Variants in KLHL32 observed in about 807,000 individuals in gnomAD.
The protein encoded by KLHL32 is kelch-like protein 32.
Under a neutral mutation model 64.8 loss-of-function variants are expected in KLHL32, and 35 were observed. The ratio of observed to expected loss-of-function variants is 0.54; its 90% CI spans 0.41 to 0.72. The LOEUF (loss-of-function observed/expected upper bound fraction) is 0.72. KLHL32 is among the 30% of genes least tolerant of loss of function. The pLI is 0.00. For missense variants in KLHL32, 589 were observed against 768.5 expected (o/e 0.77, Z 2.76); for synonymous variants, 259 against 281.0 (o/e 0.92, Z 0.78).
At chr6:97,053,800 TTTTA>T (rs199860998) in intron 4 of KLHL32, among the ~76,000 whole-genome samples, 1,933 of 152,076 alleles carry the variant, frequency 0.013, 34 homozygotes, top group African/African-American at 0.043. Context: ...GTACTATGCC[TTTTA>T]TTTATATACT....
rs577613527 is a variant in KLHL32 at position 97,111,217 on chromosome 6, G to C, written c.628-2566G>C. 3.3e-5 allele frequency among the ~76,000 whole-genome samples: 5 copies of C among 152,320 alleles called. No homozygotes were observed. The South Asian group carries it at 1.0e-3, about 32-fold the overall frequency. On this transcript the variant is annotated intron_variant, in intron 6 of 10. Transcript: ENST00000369261. ...GAGCCAACATTCCTTTCACCTGCAG[G>C]AAAGAGAGAGATGGCAGTGTTGCAT...
At position 96,968,397 on chromosome 6, in the gene KLHL32, A is replaced by AAAAAC. The variant is rs1453508902; in HGVS notation, c.23+1318_23+1319insCAAAA. Among the ~76,000 whole-genome samples, 17 of 151,806 alleles carry AAAAAC rather than the reference A, an allele frequency of 1.1e-4. 1 individual carries two copies. The South Asian group carries it at 2.3e-3, about 20-fold the overall frequency. On this transcript the variant is annotated intron_variant, in intron 2 of 10. Coordinates refer to ENST00000369261, the MANE Select transcript of KLHL32 (RefSeq NM_052904.4). ...CAAAAAACAAAAACAAAAACAAAAA[A>AAAAAC]AAAAACATCTAGCCCAAAATGTCAA...
At chr6:97,055,051 A>G (rs889933350) in intron 4 of KLHL32, among the ~76,000 whole-genome samples, 2 of 152,186 alleles carry the variant, frequency 1.3e-5, no homozygotes, top group Non-Finnish European at 2.9e-5. Context: ...GGAGAAAGTC[A>G]CTGTTTTCAC....
At chr6:96,916,382 C>T in the KLHL32 span, among the ~76,000 whole-genome samples, 1 of 152,280 alleles carries the variant, frequency 6.6e-6, no homozygotes, top group South Asian at 2.1e-4. Flanking sequence ...TTTCTCAGGA[C>T]ATATTTAGTT....
chr6:96,937,198 C>T (rs1031796362), intron 1 of KLHL32, among the ~76,000 whole-genome samples: 2 of 152,156 alleles, frequency 1.3e-5, no homozygotes, highest in African/African-American at 4.8e-5. Flanking sequence ...TCTGTCACCG[C>T]AAAATGTTCC....
intron 4 of KLHL32, among the ~76,000 whole-genome samples, chr6:97,053,274 A>T (rs1161768184): frequency 6.6e-6 from 1 of 152,192 alleles, no homozygotes; most frequent in East Asian, 1.9e-4. Context: ...CCTCTTTCTG[A>T]ACATTTTTGG....
chr6:97,073,736 G>T (rs1051043507), intron 5 of KLHL32, among the ~76,000 whole-genome samples: 1 of 151,778 alleles, frequency 6.6e-6, no homozygotes, highest in African/African-American at 2.4e-5. Flanking sequence ...TTATTTAAAA[G>T]AAAAAAAATC....
At chr6:97,111,036 G>T (rs1737132) in intron 6 of KLHL32, among the ~76,000 whole-genome samples, 76,671 of 150,748 alleles carry the variant, frequency 0.51, 19,836 homozygotes, top group African/African-American at 0.58. Flanking sequence ...GTCTTGGGGG[G>T]GGGGGGTCTT....
chr6:97,134,014 C>A lies in KLHL32; in HGVS notation c.1701+1267C>A, dbSNP rs543923408. ...TAAGTTAGAACTTAACAAAAAAAAA[C>A]CCCTACATAACTGGAAATAATAAAA... On this transcript the variant is annotated intron_variant, in intron 10 of 10. Transcript: ENST00000369261. 6.1e-3 allele frequency among the ~76,000 whole-genome samples: 922 copies of A among 151,814 alleles called. 5 individuals carry two copies. The highest frequency in any genetic ancestry group is 9.3e-3 in the Non-Finnish European group (630 of 67,922).
At chr6:97,024,152 G>A (rs934936075) in intron 3 of KLHL32, among the ~76,000 whole-genome samples, 6 of 152,190 alleles carry the variant, frequency 3.9e-5, no homozygotes, top group South Asian at 2.1e-4. Context: ...AGAAAAAGTA[G>A]CACTATTAAT....
intron 3 of KLHL32, among the ~76,000 whole-genome samples, chr6:96,976,654 A>G (rs1775729543): frequency 6.6e-6 from 1 of 152,080 alleles, no homozygotes; most frequent in African/African-American, 2.4e-5. Flanking sequence ...CTGGAGTGCC[A>G]ATGGCGCAAT....
chr6:96,906,021 C>G, the KLHL32 span, among the ~76,000 whole-genome samples: 1 of 152,166 alleles, frequency 6.6e-6, no homozygotes, highest in East Asian at 1.9e-4. Flanking sequence ...GGTAGTCCCA[C>G]CTTTTGTTAG....
chr6:96,963,051 T>C (rs1410304360), intron 1 of KLHL32, among the ~76,000 whole-genome samples: 2 of 152,128 alleles, frequency 1.3e-5, no homozygotes, highest in Non-Finnish European at 2.9e-5. Flanking sequence ...GGAAAAATCT[T>C]TTTTCCTCTA....
In KLHL32 at chr6:97,088,609, A is replaced by G. The variant is rs1290233800; in HGVS notation, c.627+3268A>G. Among the ~76,000 whole-genome samples the G allele has an allele frequency of 2.0e-5, 3 of 152,228 alleles. No individual in the cohort carries two copies. The East Asian group carries it at 5.8e-4, about 29-fold the overall frequency. On this transcript the variant is annotated intron_variant, in intron 6 of 10. Coordinates refer to ENST00000369261, the MANE Select transcript of KLHL32 (RefSeq NM_052904.4). ...GAAAATAAACAAGTTCTAGGGATCT[A>G]ATATAGAGCATGGGTTCCAGGGATA...
chr6:96,924,061 G>C (rs1768859843), upstream of KLHL32, among the ~76,000 whole-genome samples: 1 of 152,170 alleles, frequency 6.6e-6, no homozygotes, highest in South Asian at 2.1e-4. Flanking sequence ...CATTTCTCAG[G>C]CTTGGGGATT....
chr6:97,054,819 C>T (rs940455606), intron 4 of KLHL32, among the ~76,000 whole-genome samples: 11 of 152,162 alleles, frequency 7.2e-5, no homozygotes, highest in African/African-American at 2.7e-4. Context: ...ACAGCCTGTA[C>T]TCCCGGCTAT....
At chr6:97,014,774 G>T (rs1780912206) in intron 3 of KLHL32, among the ~76,000 whole-genome samples, 1 of 152,212 alleles carries the variant, frequency 6.6e-6, no homozygotes, top group South Asian at 2.1e-4. Context: ...ATCCTTATCT[G>T]TTGGACTTCA....
chr6:97,012,545 G>T (rs964833858), intron 3 of KLHL32, among the ~76,000 whole-genome samples: 21 of 152,206 alleles, frequency 1.4e-4, no homozygotes, highest in Admixed American at 1.4e-3. Flanking sequence ...CTATAAAATA[G>T]ATTTGTGTTG....
chr6:97,068,394 T>G (rs1790155391), intron 5 of KLHL32, among the ~76,000 whole-genome samples: 1 of 152,204 alleles, frequency 6.6e-6, no homozygotes, highest in Admixed American at 6.5e-5. Context: ...AGGTTTAATA[T>G]CTATTGCTAG....
Sources: gnomAD v4.1 joint callset for allele counts (sites outside exome capture counted in the v4.1 genomes callset) on GRCh38, gnomAD v4.1.1 for gene constraint, MANE v1.5 for transcripts, NCBI Gene and HGNC (gene_info 2026-07-23, HGNC 2026-07-21) for gene names.